The following PCDHA1 variants were observed in gnomAD, a reference collection of about 807,000 sequenced individuals.
PCDHA1 encodes protocadherin alpha 1.
PCDHA1 carries 42 observed loss-of-function variants against 61.3 expected under a neutral mutation model. The observed-to-expected ratio is 0.69, with a 90% CI of 0.54 to 0.89. PCDHA1 has a LOEUF of 0.89. PCDHA1 is among the 40% of genes least tolerant of loss of function. The pLI is 0.00. For missense variants in PCDHA1, 1,256 were observed against 1,235.3 expected (o/e 1.02, Z -0.25); for synonymous variants, 610 against 553.8 (o/e 1.10, Z -1.43).
At position 140,788,602 on chromosome 5, in the gene PCDHA1, C is replaced by A; in HGVS notation, c.2312C>A (p.Ala771Asp). Residue 771 changes from alanine to aspartate, a missense_variant, in exon 1 of 4, where the codon GCC becomes GAC. By Grantham distance (126) the Ala-to-Asp change is moderately radical (BLOSUM62 -2). Coordinates refer to ENST00000504120, the MANE Select transcript of PCDHA1 (RefSeq NM_018900.4). ...SEGPPKTDLM[A>D]FSPGLSPSLN... ...GGCCCACCCAAGACCGACCTCATGG[C>A]CTTCAGCCCAGGCCTATCTCCAAGT... is the stretch of plus-strand genomic sequence containing the variant. The A allele has an allele frequency of 6.2e-7, 1 of 1,614,122 alleles. No homozygotes were observed. The highest frequency in any genetic ancestry group is 8.5e-7 in the Non-Finnish European group (1 of 1,179,988).
intron 1 of PCDHA1, chr5:140,805,037 A>T: frequency 1.3e-6 from 2 of 1,585,878 alleles, no homozygotes; most frequent in Non-Finnish European, 1.7e-6. Context: ...TAATAGAGTC[A>T]GCCAAAGTAC....
chr5:140,851,070 T>C, intron 1 of PCDHA1: 1 of 1,351,546 alleles, frequency 7.4e-7, no homozygotes. Flanking sequence ...CTAGTGAGAA[T>C]TATAAACTGT....
intron 1 of PCDHA1, among the ~76,000 whole-genome samples, chr5:140,937,927 A>T (rs1376744977): frequency 1.3e-5 from 2 of 149,332 alleles, no homozygotes; most frequent in East Asian, 2.0e-4. Context: ...AAAAAAAAAA[A>T]GTTTAATTTG....
chr5:140,984,969 G>A (rs1045140349), intron 3 of PCDHA1, among the ~76,000 whole-genome samples: 8 of 151,670 alleles, frequency 5.3e-5, no homozygotes, highest in South Asian at 2.1e-4. Context: ...ACAGAGTCTC[G>A]CTCTGTCCCC....
chr5:140,846,178 G>T (rs2150385394), intron 1 of PCDHA1, among the ~76,000 whole-genome samples: 1 of 149,272 alleles, frequency 6.7e-6, no homozygotes, highest in Non-Finnish European at 1.5e-5. Context: ...GCCTGAGTAG[G>T]CGTTTGAGTT....
At position 140,787,703 on chromosome 5, in the gene PCDHA1, C is replaced by A. The variant is rs374470634; in HGVS notation, c.1413C>A (p.Gly471=). The A allele has an allele frequency of 2.1e-5, 34 of 1,613,782 alleles. No individual in the cohort carries two copies. Among genetic ancestry groups the A allele is most frequent in the Non-Finnish European group, 2.9e-5 (34 of 1,179,932 alleles). ...TVFVKENNPP[G]CHIFTVSARD... ...TCGTGAAGGAGAACAACCCGCCGGGCTGCCACATCTTCACGGTGTCTGCGC... is the reference window on the plus strand; with the variant it reads ...TCGTGAAGGAGAACAACCCGCCGGGATGCCACATCTTCACGGTGTCTGCGC... Residue 471 remains glycine, a synonymous_variant, in exon 1 of 4, where the codon GGC becomes GGA. Coordinates refer to ENST00000504120, the MANE Select transcript of PCDHA1 (RefSeq NM_018900.4).
chr5:140,834,721 C>T (rs2150224932), intron 1 of PCDHA1: 2 of 1,614,104 alleles, frequency 1.2e-6, no homozygotes, highest in African/African-American at 2.7e-5. Flanking sequence ...GTGGAAAGGC[C>T]GCTGCAGGTT....
In PCDHA1 at chr5:140,808,531, G is replaced by C. The variant is rs1554124620; in HGVS notation, c.2394+19847G>C. 1.9e-6 allele frequency: 3 copies of C among 1,614,180 alleles called. No individual in the cohort carries two copies. In the South Asian group the frequency reaches 3.3e-5, roughly 18 times the overall value. ...GTGTTTCTGTGGAGGTGGCTGATGT[G>C]AACGACAACGCTCCGGCGTTCGCGC... On this transcript the variant is annotated intron_variant, in intron 1 of 3. Coordinates refer to ENST00000504120, the MANE Select transcript of PCDHA1 (RefSeq NM_018900.4).
chr5:140,797,121 T>TG (rs1554120298), intron 1 of PCDHA1: 6 of 1,614,020 alleles, frequency 3.7e-6, no homozygotes, highest in Non-Finnish European at 5.1e-6. Flanking sequence ...TGCTGTACAC[T>TG]GCGCTGCGGT....
Position 140,871,114 on chromosome 5 carries a change from A to G in PCDHA1, c.2394+82430A>G, listed in dbSNP as rs1554165136. The G allele has an allele frequency of 1.9e-6, 3 of 1,613,090 alleles. No individual in the cohort carries two copies. The African/African-American group carries it at 4.0e-5, about 22-fold the overall frequency. On this transcript the variant is annotated intron_variant, in intron 1 of 3. Transcript: ENST00000504120. ...CACCGTGCTGGTGTCGTTGGTGGAGAGCGGACAGGCGCCAAAGGCCTCTTC... is the reference window on the plus strand; with the variant it reads ...CACCGTGCTGGTGTCGTTGGTGGAGGGCGGACAGGCGCCAAAGGCCTCTTC...
chr5:140,917,130 C>T (rs1449410463), intron 1 of PCDHA1, among the ~76,000 whole-genome samples: 1 of 152,060 alleles, frequency 6.6e-6, no homozygotes, highest in Non-Finnish European at 1.5e-5. Flanking sequence ...AGACTCCCCA[C>T]GTTGCTCAGC....
chr5:140,981,232 T>G (rs768766953), intron 2 of PCDHA1, among the ~76,000 whole-genome samples: 32 of 152,216 alleles, frequency 2.1e-4, no homozygotes, highest in Non-Finnish European at 4.3e-4. Context: ...GTAGTCTAAA[T>G]TTTATTTTAG....
intron 1 of PCDHA1, chr5:140,801,405 A>G (rs1762701122): frequency 6.2e-7 from 1 of 1,613,620 alleles, no homozygotes; most frequent in African/African-American, 1.3e-5. Flanking sequence ...GGCGTCCAAA[A>G]GACACGGGGA....
chr5:140,822,660 T>A (rs2150118330), intron 1 of PCDHA1: 5 of 1,609,192 alleles, frequency 3.1e-6, no homozygotes, highest in Non-Finnish European at 3.4e-6. Context: ...TTATAATTAA[T>A]TCTAATACTG....
intron 1 of PCDHA1, chr5:140,811,529 T>G (rs1554125761): frequency 6.6e-6 from 1 of 152,210 alleles, no homozygotes; most frequent in African/African-American, 2.4e-5. Context: ...TACCCAGTAA[T>G]GGGTCAAATG....
chr5:140,852,586 T>A (rs2042389124), intron 1 of PCDHA1: 4 of 878,450 alleles, frequency 4.6e-6, no homozygotes, highest in East Asian at 1.2e-4. Context: ...TTTTTTATTT[T>A]TTTTTTTTGT....
chr5:140,807,731 A>C, intron 1 of PCDHA1: 1 of 1,614,204 alleles, frequency 6.2e-7, no homozygotes, highest in South Asian at 1.1e-5. Flanking sequence ...TTCTCTGGAA[A>C]AACCACCTGA....
intron 1 of PCDHA1, chr5:140,883,711 C>T (rs1554179442): frequency 2.5e-6 from 4 of 1,613,576 alleles, no homozygotes; most frequent in Non-Finnish European, 3.4e-6. Flanking sequence ...CTGCTCAGGA[C>T]GCGGACGCAC....
intron 1 of PCDHA1, chr5:140,796,133 C>T (rs1170903796): frequency 1.2e-6 from 2 of 1,614,238 alleles, no homozygotes; most frequent in East Asian, 2.2e-5. Flanking sequence ...TGCTCCCTGA[C>T]GCCCCACGTC....
Sources: gnomAD v4.1 joint callset for allele counts (sites outside exome capture counted in the v4.1 genomes callset) on GRCh38, gnomAD v4.1.1 for gene constraint, MANE v1.5 for transcripts, NCBI Gene and HGNC (gene_info 2026-07-23, HGNC 2026-07-21) for gene names.